Variants in CSF3R observed in about 807,000 individuals in gnomAD.
CSF3R encodes the protein granulocyte colony-stimulating factor receptor.
Under a neutral mutation model 84.4 loss-of-function variants are expected in CSF3R, and 52 were observed. That is an observed-to-expected ratio of 0.62 (90% CI 0.49 to 0.78). The LOEUF (loss-of-function observed/expected upper bound fraction) is 0.78, where lower values mean the gene tolerates loss of function less well. Ranked by LOEUF, CSF3R falls within the 30% of genes least tolerant of loss-of-function variation. The pLI, the probability that CSF3R is intolerant of heterozygous loss-of-function variation, is 0.00. For missense variants in CSF3R, 890 were observed against 1,055.7 expected (o/e 0.84, Z 2.17); for synonymous variants, 384 against 429.1 (o/e 0.89, Z 1.30).
At position 36,468,327 on chromosome 1, in the gene CSF3R, T is replaced by A. The variant is rs943299460; in HGVS notation, c.1577-106A>T. ...CACTGTGGGGTGGGTGAGAAAAGAG[T>A]CCAAGGGGACTCATGCCCAAGCCTC... On this transcript the variant is annotated intron_variant, in intron 12 of 16. Coordinates refer to ENST00000373106, the MANE Select transcript of CSF3R (RefSeq NM_000760.4). 1.2e-5 allele frequency: 15 copies of A among 1,224,694 alleles called. 1 individual carries two copies. The Admixed American group carries it at 1.4e-4, about 11-fold the overall frequency. The allele number at this position is 1,224,694 out of a possible 1,614,324, so 75.9% of individuals were successfully genotyped here.
chr1:36,471,943 C>A, intron 9 of CSF3R, 123 bp downstream of exon 9: 2 of 974,910 alleles, frequency 2.1e-6, no homozygotes, highest in Non-Finnish European at 3.2e-6. Flanking sequence ...AAAGTGCATG[C>A]AAATCACATA....
intron 1 of CSF3R, chr1:36,481,769 G>A (rs1651533541): frequency 6.6e-6 from 1 of 152,492 alleles, no homozygotes; most frequent in Non-Finnish European, 1.5e-5. Context: ...ACACCTCCCA[G>A]GACTGCCACC....
At chr1:36,475,168 C>T (rs1182587722) in intron 4 of CSF3R, among the ~76,000 whole-genome samples, 1 of 152,114 alleles carries the variant, frequency 6.6e-6, no homozygotes, top group Non-Finnish European at 1.5e-5. Flanking sequence ...CTATGCCTGG[C>T]TAATTTTTTT....
Position 36,472,392 on chromosome 1 carries a change from C to CT in CSF3R, c.844-2dup. On this transcript the variant is annotated splice_acceptor_variant, in intron 7 of 16. Transcript: ENST00000373106. LOFTEE classifies it high-confidence loss of function. This position sits in a 1 kb window ranked among gnomAD's most constrained non-coding sequence, Gnocchi z 5.0. ...GGGCCTCCAAGGGGAGGGGGCCCAC[C>CT]TGGTGAGGGGTGGACAGGACTCTGA... 1.2e-6 allele frequency: 2 copies of CT among 1,614,032 alleles called. No homozygotes were observed. The highest frequency in any genetic ancestry group is 1.7e-6 in the Non-Finnish European group (2 of 1,180,012).
At chr1:36,475,902 G>A (rs1459429754) in intron 3 of CSF3R, 3 of 531,432 alleles carry the variant, frequency 5.6e-6, no homozygotes, top group Non-Finnish European at 1.0e-5. Flanking sequence ...GCAGAGAAAA[G>A]CAGACCCTGG....
In CSF3R at chr1:36,467,322, G is replaced by C; in HGVS notation, c.1959-11C>G. The C allele has an allele frequency of 6.2e-7, 1 of 1,614,058 alleles. No individual in the cohort carries two copies. The highest frequency in any genetic ancestry group is 8.5e-7 in the Non-Finnish European group (1 of 1,179,898). The stretch of plus-strand genomic sequence containing the variant: ...AGGGGATTCTTCCTGCTGGAGAAGG[G>C]GGCAGGTGGAGGCTGAGTCAGACAC... On this transcript the variant is annotated splice_polypyrimidine_tract_variant and intron_variant, in intron 15 of 16. Coordinates refer to ENST00000373106, the MANE Select transcript of CSF3R (RefSeq NM_000760.4). This position sits in a 1 kb window ranked among gnomAD's most constrained non-coding sequence, Gnocchi z 4.1.
chr1:36,473,601 G>A lies in CSF3R; in HGVS notation c.507C>T (p.Thr169=). ...KSFKSRGNCQ[T]QGDSILDCVP... is the part of the protein sequence containing the mutation. ...CGCAGTCCAGGATGGAGTCCCCTTG[G>A]GTCTGACAGTTGCCCCGGCTCCTGC... The change falls in exon 6 of 17, where the codon ACC becomes ACT. Residue 169 remains threonine, a synonymous_variant. Transcript: ENST00000373106. 6.2e-7 allele frequency: 1 copy of A among 1,614,058 alleles called. No individual in the cohort carries two copies. The highest frequency in any genetic ancestry group is 1.6e-4 in the Middle Eastern group (1 of 6,062).
In CSF3R at chr1:36,467,863, G is replaced by C; in HGVS notation, c.1823C>G (p.Ala608Gly). The change falls in exon 14 of 17, where the codon GCC (alanine) becomes GGC (glycine). Residue 608 changes from alanine to glycine, a missense_variant. Physicochemically the swap from Ala to Gly is moderately conservative, Grantham distance 60. Transcript: ENST00000373106. The surrounding 1 kb of genome is among the most constrained non-coding windows in gnomAD (Gnocchi z 4.1). The part of the protein sequence containing the change: ...IHLMAASQAG[A>G]TNSTVLTLMT... ...CAGGGTGAGGACTGTACTGTTGGTG[G>C]CCCCAGCCTGGCTGGCAGCCATGAG... 1 of 1,614,226 alleles carries C rather than the reference G, an allele frequency of 6.2e-7. No individual in the cohort carries two copies. Among genetic ancestry groups the C allele is most frequent in the Non-Finnish European group, 8.5e-7 (1 of 1,180,046 alleles).
At position 36,467,024 on chromosome 1, in the gene CSF3R, G is replaced by A; in HGVS notation, c.2041-197C>T. 1 of 1,408,758 alleles carries A rather than the reference G, an allele frequency of 7.1e-7. No homozygotes were observed. Among genetic ancestry groups the A allele is most frequent in the South Asian group, 1.2e-5 (1 of 82,466 alleles). The allele number at this position is 1,408,758 out of a possible 1,614,324, so 87.3% of individuals were successfully genotyped here. The stretch of plus-strand genomic sequence containing the variant: ...GCCATGCACCGTTCAGACTCAGCAT[G>A]GTCAGTTTTTCCATATCACAGGGAG... On this transcript the variant is annotated intron_variant, in intron 16 of 16. Coordinates refer to ENST00000373106, the MANE Select transcript of CSF3R (RefSeq NM_000760.4). This position sits in a 1 kb window ranked among gnomAD's most constrained non-coding sequence, Gnocchi z 4.1.
In CSF3R at chr1:36,467,254, G is replaced by A; in HGVS notation, c.2016C>T (p.Ser672=). The change falls in exon 16 of 17, where the codon TCC becomes TCT. Residue 672 remains serine, a synonymous_variant. Coordinates refer to ENST00000373106, the MANE Select transcript of CSF3R (RefSeq NM_000760.4). This position sits in a 1 kb window ranked among gnomAD's most constrained non-coding sequence, Gnocchi z 4.1. ...VPDPAHSSLG[S]WVPTIMEEDA... is the part of the protein sequence containing the mutation. ...CCTCCTCCATGATTGTGGGCACCCA[G>A]GAGCCCAGGCTGCTGTGAGCTGGGT... 6.2e-7 allele frequency: 1 copy of A among 1,614,222 alleles called. No individual in the cohort carries two copies.
chr1:36,467,711 C>T lies in CSF3R; in HGVS notation c.1865-60G>A, dbSNP rs372876501. 24 of 1,611,602 alleles carry T rather than the reference C, an allele frequency of 1.5e-5. No individual in the cohort carries two copies. Among genetic ancestry groups the T allele is most frequent in the Middle Eastern group, 3.3e-4 (2 of 6,082 alleles). ...GCATGTTGGGAAGGCTGGGTCTCCT[C>T]CCTCCGACCAGGGGATTCAAAGTCA... is the stretch of plus-strand genomic sequence containing the variant. On this transcript the variant is annotated intron_variant, in intron 14 of 16. Coordinates refer to ENST00000373106, the MANE Select transcript of CSF3R (RefSeq NM_000760.4). The surrounding 1 kb of genome is among the most constrained non-coding windows in gnomAD (Gnocchi z 4.1).
intron 4 of CSF3R, among the ~76,000 whole-genome samples, chr1:36,474,642 G>A (rs567120452): frequency 1.3e-5 from 2 of 152,034 alleles, no homozygotes; most frequent in South Asian, 2.1e-4. Context: ...CAAGAACCTC[G>A]GTCTTTGTTT....
Position 36,472,314 on chromosome 1 carries a change from T to G in CSF3R, c.921A>C (p.Ile307=). 6.2e-7 allele frequency: 1 copy of G among 1,614,144 alleles called. No individual in the cohort carries two copies. The highest frequency in any genetic ancestry group is 1.3e-5 in the African/African-American group (1 of 75,042). The change falls in exon 8 of 17, where the codon ATA becomes ATC. Residue 307 remains isoleucine (I), a synonymous_variant. Transcript: ENST00000373106. The surrounding 1 kb of genome is among the most constrained non-coding windows in gnomAD (Gnocchi z 5.0). ...LLPATAYTLQ[I]RCIRWPLPGH... ...CAGGCAGGGGCCAGCGGATGCAGCG[T>G]ATCTGCAGGGTGTAGGCCGTGGCTG...
chr1:36,471,654 G>A lies in CSF3R; in HGVS notation c.1072-8C>T. ...TTCCTCCAGGGGCACTGGCTGTGGG[G>A]CACAGGAGGAAAAAGAGAAGGGGAT... On this transcript the variant is annotated splice_region_variant and splice_polypyrimidine_tract_variant and intron_variant, in intron 9 of 16. Transcript: ENST00000373106. 3.7e-6 allele frequency: 6 copies of A among 1,613,818 alleles called. No individual in the cohort carries two copies. Among genetic ancestry groups the A allele is most frequent in the East Asian group, 2.2e-5 (1 of 44,878 alleles).
chr1:36,482,456 T>C (rs767559394), intron 1 of CSF3R, among the ~76,000 whole-genome samples: 1 of 148,808 alleles, frequency 6.7e-6, no homozygotes, highest in East Asian at 2.0e-4. Flanking sequence ...AAACAGAGAG[T>C]GAAATAGAGA....
In CSF3R at chr1:36,472,326, G is replaced by T; in HGVS notation, c.909C>A (p.Tyr303Ter). 1 of 1,614,202 alleles carries T rather than the reference G, an allele frequency of 6.2e-7. No individual in the cohort carries two copies. Among genetic ancestry groups the T allele is most frequent in the South Asian group, 1.1e-5 (1 of 91,086 alleles). The change falls in exon 8 of 17, where the codon TAC becomes TAA. Residue 303 changes from tyrosine to a stop codon, truncating the protein, a stop_gained. Transcript: ENST00000373106. LOFTEE classifies it high-confidence loss of function. The surrounding 1 kb of genome is among the most constrained non-coding windows in gnomAD (Gnocchi z 5.0). The part of the protein sequence containing the change: ...ELCGLLPATA[Y>*]TLQIRCIRWP... ...AGCGGATGCAGCGTATCTGCAGGGT[G>T]TAGGCCGTGGCTGGGAGGAGCCCGC...
chr1:36,477,871 G>C (rs185975175), intron 3 of CSF3R, among the ~76,000 whole-genome samples: 1 of 151,836 alleles, frequency 6.6e-6, no homozygotes, highest in Non-Finnish European at 1.5e-5. Context: ...CCATTGTCCT[G>C]CCTCAGCCTC....
At position 36,475,469 on chromosome 1, in the gene CSF3R, G is replaced by T. The variant is rs1651073475; in HGVS notation, c.269C>A (p.Pro90His). 6.2e-7 allele frequency: 1 copy of T among 1,614,168 alleles called. No homozygotes were observed. Among genetic ancestry groups the T allele is most frequent in the East Asian group, 2.2e-5 (1 of 44,882 alleles). ...DGTQESIITL[P>H]HLNHTQAFLS... is the part of the protein sequence containing the mutation. ...AAAGGCCTGAGTGTGGTTGAGGTGG[G>T]GCAGGGTGATGATAGATTCCTGGGT... is the stretch of plus-strand genomic sequence containing the variant. The change falls in exon 4 of 17, where the codon CCC becomes CAC. Residue 90 changes from proline to histidine, a missense_variant. By Grantham distance (77) the Pro-to-His change is moderately conservative. Transcript: ENST00000373106.
chr1:36,475,701 C>T (rs766836208), intron 3 of CSF3R, 28 bp from the exon 4 acceptor site: 18 of 1,596,382 alleles, frequency 1.1e-5, no homozygotes, highest in Admixed American at 6.7e-5. Context: ...GGGCCAGGAA[C>T]GACGCCTCTG....
Sources: gnomAD v4.1 joint callset for allele counts (sites outside exome capture counted in the v4.1 genomes callset) on GRCh38, gnomAD v4.1.1 for gene constraint, Gnocchi (gnomAD v3.1) non-coding constraint, MANE v1.5 for transcripts, NCBI Gene and HGNC (gene_info 2026-07-23, HGNC 2026-07-21) for gene names.